The following DNAH6 variants were observed in gnomAD, a reference collection of about 807,000 sequenced individuals.
DNAH6 encodes the protein axonemal beta dynein heavy chain 6.
In DNAH6, 340 loss-of-function variants were observed where a neutral mutation model predicts 491.4. That is an observed-to-expected ratio of 0.69 (90% CI 0.63 to 0.76). The LOEUF (loss-of-function observed/expected upper bound fraction) is 0.76, where lower values mean the gene tolerates loss of function less well. Ranked by LOEUF, DNAH6 falls within the 30% of genes least tolerant of loss-of-function variation. The pLI is 0.00. For missense variants in DNAH6, 4,443 were observed against 4,972.2 expected, an observed-to-expected ratio of 0.89 and a Z score of 3.20; for synonymous variants, 1,603 against 1,686.1, an observed-to-expected ratio of 0.95 and a Z score of 1.21.
chr2:84,718,126 C>A, intron 58 of DNAH6, 78 bp from the exon 59 acceptor site: 1 of 1,232,874 alleles, frequency 8.1e-7, no homozygotes, highest in Non-Finnish European at 1.1e-6. Flanking sequence ...AGAACGATTA[C>A]AAACAGAGAA....
At chr2:84,769,523 A>T (rs1017094768) in intron 64 of DNAH6, among the ~76,000 whole-genome samples, 9 of 152,182 alleles carry the variant, frequency 5.9e-5, no homozygotes, top group African/African-American at 2.2e-4. Flanking sequence ...ACTTACCCCA[A>T]CCCTCATTCT....
the DNAH6 span, among the ~76,000 whole-genome samples, chr2:84,495,961 C>T: frequency 6.6e-6 from 1 of 152,192 alleles, no homozygotes. Flanking sequence ...CCTGAAATTA[C>T]ACTGGACAGC....
At chr2:84,795,796 ATTAC>A (rs1678287958) in intron 68 of DNAH6, among the ~76,000 whole-genome samples, 1 of 152,230 alleles carries the variant, frequency 6.6e-6, no homozygotes, top group Admixed American at 6.5e-5. Flanking sequence ...ATTCCTTATA[ATTAC>A]TGTGAAGTGA....
chr2:84,700,320 C>G (rs764711747), intron 48 of DNAH6, among the ~76,000 whole-genome samples: 4 of 152,082 alleles, frequency 2.6e-5, no homozygotes, highest in South Asian at 4.2e-4. Flanking sequence ...CCCTGAGTAA[C>G]AGGTAGGGAG....
chr2:84,567,561 T>C (rs747004197), intron 11 of DNAH6, among the ~76,000 whole-genome samples: 7 of 152,158 alleles, frequency 4.6e-5, no homozygotes, highest in Non-Finnish European at 7.3e-5. Flanking sequence ...GATTCCCTAT[T>C]TAATAAATGG....
chr2:84,612,259 C>T lies in DNAH6; in HGVS notation c.3475+405C>T, dbSNP rs370907006. Among the ~76,000 whole-genome samples the T allele has an allele frequency of 3.4e-4, 52 of 151,016 alleles. 1 individual carries two copies. The highest frequency in any genetic ancestry group is 1.3e-3 in the African/African-American group (51 of 40,454). Reference sequence around the variant, plus strand: ...AGATTTATAGCCACAAAAATGTCCACACCTTATTTTTAATGAATTCATTAA... The same window carrying T: ...AGATTTATAGCCACAAAAATGTCCATACCTTATTTTTAATGAATTCATTAA... On this transcript the variant is annotated intron_variant, in intron 22 of 76. Transcript: ENST00000389394.
At chr2:84,481,645 T>C in the DNAH6 span, among the ~76,000 whole-genome samples, 3 of 152,180 alleles carry the variant, frequency 2.0e-5, no homozygotes, top group Non-Finnish European at 4.4e-5. Flanking sequence ...TTGTTCCCCA[T>C]ATGCTGCAAA....
intron 33 of DNAH6, among the ~76,000 whole-genome samples, chr2:84,650,314 C>T (rs113741960): frequency 2.0e-5 from 3 of 152,242 alleles, no homozygotes; most frequent in African/African-American, 4.8e-5. Flanking sequence ...CACAGGTCCC[C>T]AAGAGCTTCT....
chr2:84,713,349 A>G (rs1697230449), intron 57 of DNAH6, 90 bp downstream of exon 57: 1 of 1,340,954 alleles, frequency 7.5e-7, no homozygotes, highest in Non-Finnish European at 1.0e-6. Context: ...ACCCGGAGGG[A>G]AAGTGCTCCC....
chr2:84,480,314 C>T, the DNAH6 span, among the ~76,000 whole-genome samples: 2 of 152,068 alleles, frequency 1.3e-5, no homozygotes, highest in East Asian at 1.9e-4. Context: ...CTCTGTGAAG[C>T]TCTGTTGACT....
In DNAH6 at chr2:84,611,462, A is replaced by G. The variant is rs75242231; in HGVS notation, c.3295-212A>G. On this transcript the variant is annotated intron_variant, in intron 21 of 76. Transcript: ENST00000389394. ...ATTCTGGTAACCATATGGAAGACCC[A>G]TTAGAACTCTGCTCAGTAGACAGTG... Among the ~76,000 whole-genome samples, 662 of 152,182 alleles carry G rather than the reference A, an allele frequency of 4.4e-3. 3 individuals carry two copies. Among genetic ancestry groups the G allele is most frequent in the African/African-American group, 0.015 (620 of 41,538 alleles).
At chr2:84,757,440 G>C (rs1674146750) in intron 63 of DNAH6, among the ~76,000 whole-genome samples, 3 of 152,172 alleles carry the variant, frequency 2.0e-5, no homozygotes, top group African/African-American at 7.2e-5. Flanking sequence ...AAAAGCTAAA[G>C]CTGAAGAACT....
At chr2:84,553,628 A>ATTTTTTTTTTTTTTTTTTTTTTTTT (rs748931607) in intron 10 of DNAH6, among the ~76,000 whole-genome samples, 2 of 90,996 alleles carry the variant, frequency 2.2e-5, no homozygotes, top group Non-Finnish European at 1.9e-5. Context: ...AGGACTGGCT[A>ATTTTTTTTTTTTTTTTTTTTTTTTT]TTTTTTTTTT....
intron 37 of DNAH6, among the ~76,000 whole-genome samples, chr2:84,667,804 G>A (rs546780137): frequency 3.9e-4 from 59 of 152,282 alleles, no homozygotes; most frequent in African/African-American, 1.3e-3. Context: ...GTTTATTGCG[G>A]CACTATTTAC....
At chr2:84,704,541 A>C (rs1176394869) in intron 51 of DNAH6, among the ~76,000 whole-genome samples, 5 of 152,230 alleles carry the variant, frequency 3.3e-5, no homozygotes, top group Non-Finnish European at 5.9e-5. Context: ...CATGAAAACT[A>C]ATAATTTCAT....
chr2:84,669,367 C>A lies in DNAH6; in HGVS notation c.6163C>A (p.Pro2055Thr), dbSNP rs1343632601. ...GCTGGATCCCTGGGAACGAATCATA[C>A]CTACTTTCAAATACAACCGAGATGT... ...KRLDPWERIIPTFKYNRDVPF... is the reference protein window; with the variant it reads ...KRLDPWERIITTFKYNRDVPF... Residue 2055 changes from proline to threonine, a missense_variant, in exon 38 of 77, where the codon CCT becomes ACT. Transcript: ENST00000389394. The A allele has an allele frequency of 3.2e-6, 5 of 1,546,950 alleles. No homozygotes were observed. Among genetic ancestry groups the A allele is most frequent in the Non-Finnish European group, 4.4e-6 (5 of 1,142,380 alleles).
intron 26 of DNAH6, 111 bp downstream of exon 26, chr2:84,621,662 G>C: frequency 3.4e-6 from 2 of 594,032 alleles, no homozygotes; most frequent in Non-Finnish European, 5.9e-6. Context: ...CTAATGCTCT[G>C]ACATTTGTAA....
At chr2:84,686,338 G>A in intron 43 of DNAH6, 146 bp from the exon 44 acceptor site, 2 of 547,102 alleles carry the variant, frequency 3.7e-6, no homozygotes, top group South Asian at 2.6e-5. Context: ...AAGCGGCATG[G>A]AGTTAACACA....
intron 11 of DNAH6, among the ~76,000 whole-genome samples, chr2:84,572,462 A>G (rs566791996): frequency 1.3e-5 from 2 of 152,368 alleles, no homozygotes; most frequent in South Asian, 4.1e-4. Flanking sequence ...TATGAGAGAT[A>G]CTATTTAGTC....
Sources: allele counts gnomAD v4.1 joint callset (sites outside exome capture counted in the v4.1 genomes callset), GRCh38; gene constraint gnomAD v4.1.1; transcripts MANE v1.5; gene names NCBI Gene and HGNC (gene_info 2026-07-23, HGNC 2026-07-21).